WDR38: variants seen among roughly 807,000 people sequenced by gnomAD.
WDR38 encodes the protein WD repeat domain 38.
In WDR38, 37 loss-of-function variants were observed where a neutral mutation model predicts 36.6. The observed-to-expected ratio is 1.01, with a 90% CI of 0.78 to 1.33. The LOEUF is 1.33. WDR38 is among the 40% of genes most tolerant of loss of function. WDR38 has a pLI of 0.00. For synonymous variants in WDR38, 164 were observed against 168.1 expected (o/e 0.98, Z 0.19); for missense variants, 411 against 414.6 (o/e 0.99, Z 0.07).
rs377361087 is a variant in WDR38, at chr9:124,855,639, G to A, written c.196G>A (p.Val66Met). ...LWRLGGHTGP[V>M]KFCRFSPDGH... ...GACTGTGGCCACCCGCCCAGGCCCC[G>A]TGAAGTTCTGCCGCTTCTCCCCTGA... is the stretch of plus-strand genomic sequence containing the variant. The change falls in exon 3 of 9, where the codon GTG becomes ATG. Residue 66 changes from valine to methionine, a missense_variant. Coordinates refer to ENST00000373574, the MANE Select transcript of WDR38 (RefSeq NM_001045476.3). 3.9e-5 allele frequency: 63 copies of A among 1,609,704 alleles called. No individual in the cohort carries two copies. The South Asian group carries it at 5.3e-4, about 13-fold the overall frequency.
intron 2 of WDR38, among the ~76,000 whole-genome samples, chr9:124,855,004 C>G (rs543408656): frequency 6.6e-6 from 1 of 152,280 alleles, no homozygotes; most frequent in South Asian, 2.1e-4. Context: ...TCCTCCCAGC[C>G]CCTGACAACC....
Position 124,856,277 on chromosome 9 carries a change from A to T in WDR38, c.443A>T (p.Asp148Val). 6.2e-7 allele frequency: 1 copy of T among 1,613,980 alleles called. No individual in the cohort carries two copies. Among genetic ancestry groups the T allele is most frequent in the Non-Finnish European group, 8.5e-7 (1 of 1,179,988 alleles). ...CTGCGCCTCTTAGTTGGGCACCGTG[A>T]CTCCATCCAGAGCAGCGACTTCTCA... The part of the protein sequence containing the change: ...QMLRLLVGHR[D>V]SIQSSDFSPT... Residue 148 changes from aspartate (D) to valine (V), a missense_variant, in exon 5 of 9, where the codon GAC becomes GTC. Asp to Val is a radical substitution (Grantham distance 152, BLOSUM62 -3). Coordinates refer to ENST00000373574, the MANE Select transcript of WDR38 (RefSeq NM_001045476.3).
At chr9:124,854,633 C>T (rs995581334) in intron 2 of WDR38, among the ~76,000 whole-genome samples, 3 of 152,170 alleles carry the variant, frequency 2.0e-5, no homozygotes, top group Non-Finnish European at 4.4e-5. Flanking sequence ...TGGACAACCT[C>T]GGCTCACTGC....
In WDR38 at chr9:124,856,866, C is replaced by T. The variant is rs777857565; in HGVS notation, c.753C>T (p.Ala251=). The part of the protein sequence containing the change: ...FSPDELWLAS[A]GYSRMVKVWD... Reference sequence around the variant, plus strand: ...CCGACGAGCTGTGGCTGGCCAGCGCCGGCTATTCCCGCATGGTAACCACCC... The same window carrying T: ...CCGACGAGCTGTGGCTGGCCAGCGCTGGCTATTCCCGCATGGTAACCACCC... The change falls in exon 7 of 9, where the codon GCC becomes GCT. Residue 251 remains alanine (A), a synonymous_variant. Coordinates refer to ENST00000373574, the MANE Select transcript of WDR38 (RefSeq NM_001045476.3). The T allele has an allele frequency of 3.2e-5, 51 of 1,613,916 alleles. No individual in the cohort carries two copies. The highest frequency in any genetic ancestry group is 4.5e-5 in the East Asian group (2 of 44,884).
intron 1 of WDR38, 23 bp from the exon 2 acceptor site, chr9:124,854,182 G>A (rs771450398): frequency 4.3e-6 from 7 of 1,613,466 alleles, no homozygotes; most frequent in Non-Finnish European, 5.1e-6. Context: ...CCCAGAATGG[G>A]ACCGCTTTTG....
chr9:124,855,693 G>T lies in WDR38; in HGVS notation c.250G>T (p.Asp84Tyr). Residue 84 changes from aspartate (D) to tyrosine (Y), a missense_variant, in exon 3 of 9, where the codon GAC (aspartate) becomes TAC (tyrosine). Physicochemically the swap from Asp to Tyr is radical, Grantham distance 160. Transcript: ENST00000373574. Reference protein sequence around the residue: ...DGHLFASASCDCTVRLWDVAR... With the variant: ...DGHLFASASCYCTVRLWDVAR... ...CCACCTCTTCGCCAGCGCCTCCTGT[G>T]ACTGCACTGTCCGCCTGTGGGATGT... is the stretch of plus-strand genomic sequence containing the variant. 1.9e-6 allele frequency: 3 copies of T among 1,613,300 alleles called. No individual in the cohort carries two copies. Among genetic ancestry groups the T allele is most frequent in the Non-Finnish European group, 1.7e-6 (2 of 1,180,048 alleles).
chr9:124,853,713 T>C, intron 1 of WDR38, 113 bp downstream of exon 1: 1 of 859,734 alleles, frequency 1.2e-6, no homozygotes, highest in Non-Finnish European at 1.6e-6. Context: ...GGACATTGAG[T>C]CCAGAGTAGA....
At position 124,856,308 on chromosome 9, in the gene WDR38, G is replaced by A. The variant is rs766699070; in HGVS notation, c.474G>A (p.Thr158=). 27 of 1,613,990 alleles carry A rather than the reference G, an allele frequency of 1.7e-5. No individual in the cohort carries two copies. Among genetic ancestry groups the A allele is most frequent in the South Asian group, 2.2e-5 (2 of 91,090 alleles). The part of the protein sequence containing the change: ...DSIQSSDFSP[T]VNCLATGSWD... ...TCCAGAGCAGCGACTTCTCACCCAC[G>A]GTGAACTGCCTGGTGAGCCTACCCT... The change falls in exon 5 of 9, where the codon ACG becomes ACA. Residue 158 remains threonine (T), a synonymous_variant. Transcript: ENST00000373574.
Position 124,856,462 on chromosome 9 carries a change from C to CCAGA in WDR38, c.487-6_487-5insAGAC, listed in dbSNP as rs1829070032. The CCAGA allele has an allele frequency of 1.9e-6, 3 of 1,611,832 alleles. No individual in the cohort carries two copies. In the South Asian group the frequency reaches 3.3e-5, roughly 18 times the overall value. On this transcript the variant is annotated splice_polypyrimidine_tract_variant and splice_region_variant and intron_variant, in intron 5 of 8. Transcript: ENST00000373574. Reference sequence around the variant, plus strand: ...GGCTGGGCCAGACTCACAGAAGCTGCCTGCAGGCCACCGGCTCCTGGGACT... The same window carrying CCAGA: ...GGCTGGGCCAGACTCACAGAAGCTGCCAGACTGCAGGCCACCGGCTCCTGGGACT...
At position 124,857,847 on chromosome 9, in the gene WDR38, C is replaced by G; in HGVS notation, c.*217C>G. ...TCCCCAAAACCAGACCCACCCACCT[C>G]CACCCAATCAGTGGAAGTGCCAGGA... On this transcript the variant is annotated 3_prime_UTR_variant, in exon 9 of 9. Coordinates refer to ENST00000373574, the MANE Select transcript of WDR38 (RefSeq NM_001045476.3). The G allele has an allele frequency of 6.3e-7, 1 of 1,586,812 alleles. No individual in the cohort carries two copies. Among genetic ancestry groups the G allele is most frequent in the Non-Finnish European group, 8.6e-7 (1 of 1,163,738 alleles).
intron 2 of WDR38, 126 bp from the exon 3 acceptor site, chr9:124,855,508 T>C: frequency 2.1e-6 from 2 of 958,108 alleles, no homozygotes; most frequent in Non-Finnish European, 1.6e-6. Flanking sequence ...ATCCAGGCAT[T>C]TCTGGGAAGC....
In WDR38 at chr9:124,857,766, C is replaced by T; in HGVS notation, c.*136C>T. On this transcript the variant is annotated 3_prime_UTR_variant, in exon 9 of 9. Transcript: ENST00000373574. ...CATGGCCAGGACTCTCCAGGCCCCA[C>T]CAGAGCAGACAACTGTGGTGGGCAG... 2.0e-6 allele frequency: 3 copies of T among 1,505,796 alleles called. No individual in the cohort carries two copies. The highest frequency in any genetic ancestry group is 2.3e-5 in the East Asian group (1 of 42,796). 93.3% of individuals were successfully genotyped at this position (1,505,796 alleles called of 1,614,324 possible).
At chr9:124,856,906 T>TCCTA in intron 7 of WDR38, 25 bp downstream of exon 7, 1 of 1,612,348 alleles carries the variant, frequency 6.2e-7, no homozygotes, top group African/African-American at 1.3e-5. Context: ...CCCATCCTGC[T>TCCTA]CCTACCTACC....
chr9:124,857,030 T>C (rs1829093912), intron 7 of WDR38, 149 bp downstream of exon 7: 1 of 1,183,402 alleles, frequency 8.5e-7, no homozygotes. Flanking sequence ...CTCTTCCTAA[T>C]GGCCAGCACC....
At chr9:124,856,125 T>C in intron 4 of WDR38, 115 bp from the exon 5 acceptor site, 1 of 1,544,168 alleles carries the variant, frequency 6.5e-7, no homozygotes, top group East Asian at 2.3e-5. Context: ...CTCTCCAGGC[T>C]TCCTTGCACA....
intron 4 of WDR38, 66 bp downstream of exon 4, chr9:124,856,024 G>C (rs1015941883): frequency 2.5e-6 from 4 of 1,598,188 alleles, no homozygotes; most frequent in Non-Finnish European, 3.4e-6. Flanking sequence ...GATGTCACCA[G>C]TCTTGCCCTC....
In WDR38 at chr9:124,854,324, AG is replaced by A; in HGVS notation, c.190+1del. 3.1e-6 allele frequency: 5 copies of A among 1,613,582 alleles called. No individual in the cohort carries two copies. The South Asian group carries it at 3.3e-5, about 11-fold the overall frequency. On this transcript the variant is annotated frameshift_variant and splice_region_variant, in exon 2 of 9. Transcript: ENST00000373574. LOFTEE classifies it high-confidence loss of function. ...QLLWRLGGHTGPVKFCRFSPD... is the reference protein window; with the variant it reads ...QLLWRLGGHTXPVKFCRFSPD... Reference sequence around the variant, plus strand: ...TGCTGTGGAGGCTGGGTGGCCACACAGGTGGGGCTCCCACACCTGGCCGGGA... The same window carrying A: ...TGCTGTGGAGGCTGGGTGGCCACACAGTGGGGCTCCCACACCTGGCCGGGA...
intron 5 of WDR38, 55 bp from the exon 6 acceptor site, chr9:124,856,414 A>G (rs1829067850): frequency 1.2e-6 from 2 of 1,612,410 alleles, no homozygotes; most frequent in Middle Eastern, 1.7e-4. Flanking sequence ...GGTCCCGCCT[A>G]GATGCAGAGT....
Position 124,855,618 on chromosome 9 carries a change from G to A in WDR38, c.191-16G>A, listed in dbSNP as rs1197381075. On this transcript the variant is annotated splice_polypyrimidine_tract_variant and intron_variant, in intron 2 of 8. Transcript: ENST00000373574. Reference sequence around the variant, plus strand: ...GCGGGCAGTGCTCTGTCCCCTGACTGTGGCCACCCGCCCAGGCCCCGTGAA... The same window carrying A: ...GCGGGCAGTGCTCTGTCCCCTGACTATGGCCACCCGCCCAGGCCCCGTGAA... 1.2e-6 allele frequency: 2 copies of A among 1,604,880 alleles called. No homozygotes were observed. The highest frequency in any genetic ancestry group is 1.1e-5 in the South Asian group (1 of 91,034).
Sources: allele counts gnomAD v4.1 joint callset (sites outside exome capture counted in the v4.1 genomes callset), GRCh38; gene constraint gnomAD v4.1.1; transcripts MANE v1.5; gene names NCBI Gene and HGNC (gene_info 2026-07-23, HGNC 2026-07-21).